Variants in PCDHGA1 observed in about 807,000 individuals in gnomAD.
PCDHGA1 encodes the protein protocadherin gamma-A1.
In PCDHGA1, 32 loss-of-function variants were observed where a neutral mutation model predicts 58.0. That is an observed-to-expected ratio of 0.55 (90% CI 0.42 to 0.74). The LOEUF (loss-of-function observed/expected upper bound fraction) is 0.74. PCDHGA1 is among the 30% of genes least tolerant of loss of function. The probability of loss-of-function intolerance (pLI) is 0.00; values close to 1 mark genes in which losing one functional copy is unlikely to be tolerated. For synonymous variants in PCDHGA1, 498 were observed against 501.1 expected, an observed-to-expected ratio of 0.99 and a Z score of 0.08; for missense variants, 1,205 against 1,182.3, an observed-to-expected ratio of 1.02 and a Z score of -0.28.
chr5:141,344,704 G>A (rs756165760), intron 1 of PCDHGA1: 23 of 1,613,810 alleles, frequency 1.4e-5, no homozygotes, highest in Non-Finnish European at 1.9e-5. Flanking sequence ...GTCCACTCTG[G>A]CAACTTGCAC....
At chr5:141,370,615 T>A in intron 1 of PCDHGA1, 2 of 1,613,882 alleles carry the variant, frequency 1.2e-6, no homozygotes, top group Non-Finnish European at 1.7e-6. Context: ...GAGAAGAAAT[T>A]CTTTACCGTG....
intron 1 of PCDHGA1, chr5:141,340,829 G>A (rs1420990022): frequency 1.2e-6 from 2 of 1,613,578 alleles, no homozygotes; most frequent in Non-Finnish European, 1.7e-6. Flanking sequence ...CTTCTCGGTG[G>A]GTCTGCACAC....
chr5:141,361,214 C>G, intron 1 of PCDHGA1: 1 of 1,613,912 alleles, frequency 6.2e-7, no homozygotes, highest in Non-Finnish European at 8.5e-7. Context: ...CCGGAGGATT[C>G]GCCACCAGGA....
chr5:141,433,354 T>TCTGC, intron 1 of PCDHGA1: 2 of 602,322 alleles, frequency 3.3e-6, no homozygotes, highest in South Asian at 2.1e-5. Context: ...CCACCTACTG[T>TCTGC]CTGCCTATCT....
chr5:141,419,217 G>A (rs1407588828), intron 1 of PCDHGA1: 1 of 1,613,936 alleles, frequency 6.2e-7, no homozygotes, highest in Admixed American at 1.7e-5. Context: ...CCGGTTTTCG[G>A]ACAGTCAGCC....
At chr5:141,379,679 T>C (rs561648427) in intron 1 of PCDHGA1, 1 of 152,142 alleles carries the variant, frequency 6.6e-6, no homozygotes, top group African/African-American at 2.4e-5. Flanking sequence ...CATTCACTCA[T>C]GTGGACTGAC....
In PCDHGA1 at chr5:141,428,860, CTT is replaced by C. The variant is rs34152666; in HGVS notation, c.2422-65935_2422-65934del. On this transcript the variant is annotated intron_variant, in intron 1 of 3. Transcript: ENST00000517417. The stretch of plus-strand genomic sequence containing the variant: ...ACATTTTCACCATTTTTACGGGAGA[CTT>C]TTTTTTTTTTTGGACGGAGTCTCGC... The C allele has an allele frequency of 7.4e-3, 1,070 of 145,506 alleles. 4 individuals carry two copies. Among genetic ancestry groups the C allele is most frequent in the South Asian group, 0.018 (82 of 4,566 alleles). 9.0% of individuals were successfully genotyped at this position (145,506 alleles called of 1,614,324 possible).
At chr5:141,505,106 G>A (rs934779049) in intron 2 of PCDHGA1, among the ~76,000 whole-genome samples, 1 of 152,188 alleles carries the variant, frequency 6.6e-6, no homozygotes, top group Non-Finnish European at 1.5e-5. Context: ...ATGTTGCAAT[G>A]AGCCAAGATC....
chr5:141,385,265 A>G lies in PCDHGA1; in HGVS notation c.2421+52160A>G. Reference sequence around the variant, plus strand: ...AGCCAGGAGAGCTGTGAGAAAAATGATTCTTTGCTAACATCCGTAGATTTT... The same window carrying G: ...AGCCAGGAGAGCTGTGAGAAAAATGGTTCTTTGCTAACATCCGTAGATTTT... On this transcript the variant is annotated intron_variant, in intron 1 of 3. Transcript: ENST00000517417. 1.2e-6 allele frequency: 2 copies of G among 1,613,710 alleles called. No individual in the cohort carries two copies. Among genetic ancestry groups the G allele is most frequent in the Non-Finnish European group, 1.7e-6 (2 of 1,179,576 alleles).
intron 1 of PCDHGA1, chr5:141,389,603 C>A: frequency 6.2e-7 from 1 of 1,613,148 alleles, no homozygotes; most frequent in Non-Finnish European, 8.5e-7. Flanking sequence ...CTGCGCTCTT[C>A]GATATGGTGC....
intron 1 of PCDHGA1, chr5:141,389,763 G>C: frequency 6.2e-7 from 1 of 1,612,978 alleles, no homozygotes; most frequent in African/African-American, 1.3e-5. Context: ...AGTGCGCACA[G>C]CGCGTGCCTT....
intron 1 of PCDHGA1, chr5:141,411,907 G>A (rs2095522781): frequency 1.3e-5 from 2 of 152,156 alleles, no homozygotes; most frequent in Non-Finnish European, 2.9e-5. Flanking sequence ...TATTGCCTTT[G>A]CACTCAGTCT....
intron 1 of PCDHGA1, chr5:141,414,197 T>C: frequency 3.1e-6 from 5 of 1,611,210 alleles, no homozygotes; most frequent in Non-Finnish European, 4.2e-6. Flanking sequence ...TTGATTACAG[T>C]AGAAGATGTA....
At chr5:141,352,113 G>A (rs1758920100) in intron 1 of PCDHGA1, 2 of 1,607,732 alleles carry the variant, frequency 1.2e-6, no homozygotes, top group Non-Finnish European at 1.7e-6. Flanking sequence ...CTGGGGTTGC[G>A]CACGGGTGAG....
chr5:141,374,776 A>T (rs376190994), intron 1 of PCDHGA1: 2 of 1,613,844 alleles, frequency 1.2e-6, no homozygotes, highest in African/African-American at 1.3e-5. Flanking sequence ...TTCTGGTAAC[A>T]GTTCTAGATG....
chr5:141,416,791 G>C (rs1389798483), intron 1 of PCDHGA1: 1 of 152,166 alleles, frequency 6.6e-6, no homozygotes, highest in Non-Finnish European at 1.5e-5. Flanking sequence ...TCTACTAAAT[G>C]TGGTAGTATA....
chr5:141,431,731 T>G lies in PCDHGA1; in HGVS notation c.2422-63076T>G. 6.2e-7 allele frequency: 1 copy of G among 1,614,210 alleles called. No homozygotes were observed. The highest frequency in any genetic ancestry group is 8.5e-7 in the Non-Finnish European group (1 of 1,180,034). Reference sequence around the variant, plus strand: ...AGATGGAAGTGCAAGCAATGGATAATGCAGGATATTCTGCGCGAGCCAAAG... The same window carrying G: ...AGATGGAAGTGCAAGCAATGGATAAGGCAGGATATTCTGCGCGAGCCAAAG... On this transcript the variant is annotated intron_variant, in intron 1 of 3. Coordinates refer to ENST00000517417, the MANE Select transcript of PCDHGA1 (RefSeq NM_018912.3). The surrounding 1 kb of genome is among the most constrained non-coding windows in gnomAD (Gnocchi z 4.8).
At chr5:141,388,360 A>T in intron 1 of PCDHGA1, 4 of 1,613,996 alleles carry the variant, frequency 2.5e-6, no homozygotes, top group Non-Finnish European at 3.4e-6. Flanking sequence ...TCTGCCCATG[A>T]TGCGGATATT....
At chr5:141,422,690 T>C (rs1384522137) in intron 1 of PCDHGA1, 1 of 1,603,790 alleles carries the variant, frequency 6.2e-7, no homozygotes, top group African/African-American at 1.3e-5. Flanking sequence ...AATGCCCTGG[T>C]CACTTACTCT....
Sources: gnomAD v4.1 joint callset for allele counts (sites outside exome capture counted in the v4.1 genomes callset) on GRCh38, gnomAD v4.1.1 for gene constraint, Gnocchi (gnomAD v3.1) non-coding constraint, MANE v1.5 for transcripts, NCBI Gene and HGNC (gene_info 2026-07-23, HGNC 2026-07-21) for gene names.